PPM1L: variants seen among roughly 807,000 people sequenced by gnomAD.
The protein encoded by PPM1L is protein phosphatase 1L.
Under a neutral mutation model 31.4 loss-of-function variants are expected in PPM1L, and 13 were observed. The observed-to-expected ratio is 0.41, with a 90% CI of 0.27 to 0.66. The LOEUF is 0.66. Among genes scored for constraint, PPM1L ranks in the 30% least tolerant of loss-of-function variants. The probability of loss-of-function intolerance (pLI) is 0.29; values close to 1 mark genes in which losing one functional copy is unlikely to be tolerated. For synonymous variants in PPM1L, 184 were observed against 175.4 expected, an observed-to-expected ratio of 1.05 and a Z score of -0.39; for missense variants, 326 against 453.7, an observed-to-expected ratio of 0.72 and a Z score of 2.56.
intron 2 of PPM1L, among the ~76,000 whole-genome samples, chr3:161,059,194 G>C (rs1222769963): frequency 6.6e-6 from 1 of 152,122 alleles, no homozygotes; most frequent in African/African-American, 2.4e-5. Flanking sequence ...TACCTTTATT[G>C]CTTCACAAGG....
At chr3:160,821,097 G>A (rs1459371991) in intron 1 of PPM1L, among the ~76,000 whole-genome samples, 1 of 152,018 alleles carries the variant, frequency 6.6e-6, no homozygotes, top group Non-Finnish European at 1.5e-5. Context: ...CAGGAACAAA[G>A]CGGTGTGTGC....
intron 3 of PPM1L, among the ~76,000 whole-genome samples, chr3:161,067,973 C>T (rs1719788834): frequency 6.6e-6 from 1 of 152,184 alleles, no homozygotes; most frequent in South Asian, 2.1e-4. Context: ...AATTCTCCTG[C>T]CAGGCTGTCT....
intron 1 of PPM1L, among the ~76,000 whole-genome samples, chr3:160,920,586 TTCTCTCTCTCTCTCTCTC>T (rs3063236): frequency 8.3e-6 from 1 of 120,354 alleles, no homozygotes; most frequent in Non-Finnish European, 1.6e-5. Context: ...TGCATTTAGT[TTCTCTCTCTCTCTCTCTC>T]TCTCTCTCTC....
chr3:161,021,689 C>T (rs557828429), intron 2 of PPM1L, among the ~76,000 whole-genome samples: 39 of 152,090 alleles, frequency 2.6e-4, no homozygotes, highest in Admixed American at 1.7e-3. Flanking sequence ...TTTTGCCTCA[C>T]GTATTTTAGA....
intron 1 of PPM1L, among the ~76,000 whole-genome samples, chr3:160,951,243 A>G (rs751265896): frequency 5.6e-4 from 85 of 152,214 alleles, no homozygotes; most frequent in Non-Finnish European, 1.1e-3. Flanking sequence ...TTTGTGCTTT[A>G]AAACAAAAAC....
intron 1 of PPM1L, among the ~76,000 whole-genome samples, chr3:160,809,290 T>G (rs1378655): frequency 0.55 from 83,162 of 152,068 alleles, 26,152 homozygotes; most frequent in African/African-American, 0.87. Flanking sequence ...GCCAAGGAAA[T>G]TGATTATATT....
chr3:160,892,686 T>G (rs1576695060), intron 1 of PPM1L, among the ~76,000 whole-genome samples: 1 of 151,906 alleles, frequency 6.6e-6, no homozygotes, highest in Non-Finnish European at 1.5e-5. Context: ...AAAAAAGAAA[T>G]ACGTTATTTG....
chr3:160,817,500 C>T (rs1372086779), intron 1 of PPM1L, among the ~76,000 whole-genome samples: 2 of 152,066 alleles, frequency 1.3e-5, no homozygotes, highest in African/African-American at 2.4e-5. Flanking sequence ...AATTTTTACA[C>T]GGCGCCTACT....
chr3:160,846,705 G>A (rs560946569), intron 1 of PPM1L, among the ~76,000 whole-genome samples: 1 of 151,906 alleles, frequency 6.6e-6, no homozygotes, highest in East Asian at 1.9e-4. Flanking sequence ...TGATACTCTT[G>A]AAAAAAATTT....
intron 2 of PPM1L, among the ~76,000 whole-genome samples, chr3:161,008,078 C>T (rs772046727): frequency 1.3e-5 from 2 of 152,194 alleles, no homozygotes; most frequent in Non-Finnish European, 2.9e-5. Context: ...ATTACTCTTC[C>T]CCAAGGCAGT....
At chr3:160,988,318 AT>A (rs1409503110) in intron 2 of PPM1L, among the ~76,000 whole-genome samples, 1 of 152,244 alleles carries the variant, frequency 6.6e-6, no homozygotes, top group Non-Finnish European at 1.5e-5. Flanking sequence ...AGAAAAAAAA[AT>A]CAACCTTGTT....
chr3:161,058,945 T>C (rs1719497546), intron 2 of PPM1L, among the ~76,000 whole-genome samples: 1 of 152,176 alleles, frequency 6.6e-6, no homozygotes, highest in South Asian at 2.1e-4. Context: ...CTAAGCAAAA[T>C]ACTTAGTTAA....
chr3:160,887,573 C>CTTTTTTTTTTTT (rs58869949), intron 1 of PPM1L, among the ~76,000 whole-genome samples: 1 of 142,624 alleles, frequency 7.0e-6, no homozygotes. Flanking sequence ...TAATATTCAA[C>CTTTTTTTTTTTT]TTTTTTTTTT....
intron 1 of PPM1L, among the ~76,000 whole-genome samples, chr3:160,849,726 T>A (rs1265616538): frequency 6.6e-6 from 1 of 150,388 alleles, no homozygotes; most frequent in Non-Finnish European, 1.5e-5. Context: ...GCCCGGCTAA[T>A]TTTTTGTTTT....
intron 1 of PPM1L, among the ~76,000 whole-genome samples, chr3:160,788,985 A>T (rs371601392): frequency 1.3e-5 from 2 of 151,896 alleles, no homozygotes; most frequent in Non-Finnish European, 2.9e-5. Context: ...TTTGTAAGTG[A>T]CATTTAGAAT....
chr3:161,024,315 A>G (rs1718320061), intron 2 of PPM1L, among the ~76,000 whole-genome samples: 1 of 151,782 alleles, frequency 6.6e-6, no homozygotes, highest in Non-Finnish European at 1.5e-5. Flanking sequence ...TGGCTTTCAC[A>G]TGACTGCAGT....
chr3:160,903,208 T>TTGTGTGTGTGTGTGTGTGTGTGTGTG (rs59232471), intron 1 of PPM1L, among the ~76,000 whole-genome samples: 6 of 120,038 alleles, frequency 5.0e-5, no homozygotes, highest in Non-Finnish European at 1.0e-4. Flanking sequence ...GTGTGTATGT[T>TTGTGTGTGTGTGTGTGTGTGTGTGTG]TGTGTGTGTG....
chr3:161,017,440 A>T (rs1718117131), intron 2 of PPM1L, among the ~76,000 whole-genome samples: 1 of 152,172 alleles, frequency 6.6e-6, no homozygotes, highest in Admixed American at 6.6e-5. Context: ...TTTCTTCACA[A>T]AACTTATCCA....
intron 2 of PPM1L, among the ~76,000 whole-genome samples, chr3:161,031,286 C>T (rs1388464560): frequency 6.6e-6 from 1 of 152,172 alleles, no homozygotes; most frequent in African/African-American, 2.4e-5. Context: ...TTCCAGTGAC[C>T]TGGAAAGAAA....
Sources: allele counts gnomAD v4.1 joint callset (sites outside exome capture counted in the v4.1 genomes callset), GRCh38; gene constraint gnomAD v4.1.1; transcripts MANE v1.5; gene names NCBI Gene and HGNC (gene_info 2026-07-23, HGNC 2026-07-21).